Variants in MAML1 observed in about 807,000 individuals in gnomAD.
MAML1 encodes mastermind like transcriptional coactivator 1.
A neutral mutation model predicts 77.1 loss-of-function variants in MAML1; 14 were observed. That is an observed-to-expected ratio of 0.18 (90% confidence interval 0.12 to 0.28). MAML1 has a LOEUF of 0.28. Among genes scored for constraint, MAML1 ranks in the 10% least tolerant of loss-of-function variants. The probability of loss-of-function intolerance (pLI) is 1.00; values close to 1 mark genes in which losing one functional copy is unlikely to be tolerated. For synonymous variants in MAML1, 516 were observed against 551.9 expected (o/e 0.93, Z 0.91); for missense variants, 1,217 against 1,327.8 (o/e 0.92, Z 1.30).
At chr5:179,767,631 C>T (rs1049963923) in intron 2 of MAML1, among the ~76,000 whole-genome samples, 2 of 152,216 alleles carry the variant, frequency 1.3e-5, no homozygotes, top group Non-Finnish European at 2.9e-5. Context: ...GCTGATAATT[C>T]CACTTACTTC....
intron 1 of MAML1, among the ~76,000 whole-genome samples, chr5:179,737,780 T>TCCAAGGAA (rs1779195904): frequency 6.6e-6 from 1 of 152,230 alleles, no homozygotes; most frequent in Non-Finnish European, 1.5e-5. Flanking sequence ...TATTCTAATT[T>TCCAAGGAA]TCAAGGAATG....
At position 179,747,211 on chromosome 5, in the gene MAML1, T is replaced by TAAGAGC. The variant is rs926532528; in HGVS notation, c.315+13789_315+13794dup. Among the ~76,000 whole-genome samples the TAAGAGC allele has an allele frequency of 2.2e-4, 34 of 152,196 alleles. 1 individual carries two copies. Among genetic ancestry groups the TAAGAGC allele is most frequent in the Admixed American group, 8.5e-4 (13 of 15,276 alleles). On this transcript the variant is annotated intron_variant, in intron 1 of 4. Transcript: ENST00000292599. ...GTTCTGTATTAGACTATGAGCAACTTAAGAGCAAGACCAAGAGTCTGGCAT... is the reference window on the plus strand; with the variant it reads ...GTTCTGTATTAGACTATGAGCAACTTAAGAGCAAGAGCAAGACCAAGAGTCTGGCAT...
Position 179,766,782 on chromosome 5 carries a change from A to G in MAML1, c.1731+41A>G, listed in dbSNP as rs1474819140. ...TGCTTTCTGTTCCTCTGCTGCAGAC[A>G]CTTCAGTGAGGTTACTCACTACTTT... On this transcript the variant is annotated intron_variant, in intron 2 of 4. Transcript: ENST00000292599. This position sits in a 1 kb window ranked among gnomAD's most constrained non-coding sequence, Gnocchi z 4.0. 2 of 1,464,694 alleles carry G rather than the reference A, an allele frequency of 1.4e-6. No individual in the cohort carries two copies. Among genetic ancestry groups the G allele is most frequent in the Non-Finnish European group, 1.8e-6 (2 of 1,094,022 alleles). 90.7% of individuals were successfully genotyped at this position (1,464,694 alleles called of 1,614,324 possible).
rs141541345 is a variant in MAML1 at position 179,768,921 on chromosome 5, C to G, written c.1803C>G (p.Ser601=). Residue 601 remains serine, a synonymous_variant, in exon 3 of 5, where the codon TCC becomes TCG. Transcript: ENST00000292599. The stretch of plus-strand genomic sequence containing the variant: ...TTGGGACCCAGCCGCCTGCCGTGTC[C>G]GTGGCCAGCTCCCACAACAGCTCCC... ...TSVGTQPPAV[S]VASSHNSSPY... 3 of 1,614,024 alleles carry G rather than the reference C, an allele frequency of 1.9e-6. No individual in the cohort carries two copies. The highest frequency in any genetic ancestry group is 1.3e-5 in the African/African-American group (1 of 74,896).
rs557113822 is a variant in MAML1 at position 179,773,163 on chromosome 5, G to A, written c.2069-732G>A. Among the ~76,000 whole-genome samples, 7 of 152,290 alleles carry A rather than the reference G, an allele frequency of 4.6e-5. No individual in the cohort carries two copies. In the South Asian group the frequency reaches 1.0e-3, roughly 23 times the overall value. On this transcript the variant is annotated intron_variant, in intron 4 of 4. Coordinates refer to ENST00000292599, the MANE Select transcript of MAML1 (RefSeq NM_014757.5). ...CTCCCAAAGTGCTGGGATTACAGGC[G>A]TGAACCACCGCGCCCGGCCACAACC...
Position 179,775,972 on chromosome 5 carries a change from A to G in MAML1, c.*1095A>G, listed in dbSNP as rs576455006. The G allele has an allele frequency of 2.0e-5, 20 of 985,762 alleles. No homozygotes were observed. In the South Asian group the frequency reaches 6.1e-4, roughly 30 times the overall value. 61.1% of individuals were successfully genotyped at this position (985,762 alleles called of 1,614,324 possible). A position where few individuals can be genotyped will look rare whatever the true frequency, so the allele number is the denominator to read the frequency against. Reference sequence around the variant, plus strand: ...GGAAGCAATTCCACTTGGTTTGACAACTTCTGCCACTCCCATGTCAGATGA... The same window carrying G: ...GGAAGCAATTCCACTTGGTTTGACAGCTTCTGCCACTCCCATGTCAGATGA... On this transcript the variant is annotated 3_prime_UTR_variant, in exon 5 of 5. Transcript: ENST00000292599.
In MAML1 at chr5:179,776,375, T is replaced by G; in HGVS notation, c.*1498T>G. On this transcript the variant is annotated 3_prime_UTR_variant, in exon 5 of 5. Coordinates refer to ENST00000292599, the MANE Select transcript of MAML1 (RefSeq NM_014757.5). ...TGAGTCGCGGTGAGGGGACGAGAGG[T>G]TGTACACACATTGGTAGTTATTTTG... is the stretch of plus-strand genomic sequence containing the variant. 1.0e-6 allele frequency: 1 copy of G among 985,602 alleles called. No homozygotes were observed. Among genetic ancestry groups the G allele is most frequent in the Non-Finnish European group, 1.2e-6 (1 of 829,882 alleles). The allele number at this position is 985,602 out of a possible 1,614,324, so 61.1% of individuals were successfully genotyped here. A position where few individuals can be genotyped will look rare whatever the true frequency, so the allele number is the denominator to read the frequency against.
chr5:179,752,800 G>T (rs1352755740), intron 1 of MAML1, among the ~76,000 whole-genome samples: 7 of 151,026 alleles, frequency 4.6e-5, no homozygotes, highest in Non-Finnish European at 1.0e-4. Flanking sequence ...TTGAGAAGGA[G>T]TCTCACTCAG....
rs922431911 is a variant in MAML1 at position 179,769,639 on chromosome 5, A to G, written c.1971+550A>G. Among the ~76,000 whole-genome samples, 2 of 151,714 alleles carry G rather than the reference A, an allele frequency of 1.3e-5. No homozygotes were observed. The highest frequency in any genetic ancestry group is 4.9e-5 in the African/African-American group (2 of 41,236). ...GCGATCTTGGCTCACTGCAGCCTCC[A>G]CCTCATGGGTTCATGCAATTCTCCT... On this transcript the variant is annotated intron_variant, in intron 3 of 4. Coordinates refer to ENST00000292599, the MANE Select transcript of MAML1 (RefSeq NM_014757.5). This position sits in a 1 kb window ranked among gnomAD's most constrained non-coding sequence, Gnocchi z 4.2.
At position 179,773,938 on chromosome 5, in the gene MAML1, C is replaced by T; in HGVS notation, c.2112C>T (p.Ser704=). Residue 704 remains serine, a synonymous_variant, in exon 5 of 5, where the codon TCC becomes TCT. Transcript: ENST00000292599. ...AVPGMNTLGP[S]NSSCPRVFPQ... The stretch of plus-strand genomic sequence containing the variant: ...CCGGCATGAACACCTTGGGTCCATC[C>T]AACTCCAGCTGTCCTCGAGTGTTCC... 1 of 1,614,224 alleles carries T rather than the reference C, an allele frequency of 6.2e-7. No individual in the cohort carries two copies. Among genetic ancestry groups the T allele is most frequent in the Non-Finnish European group, 8.5e-7 (1 of 1,180,044 alleles).
intron 1 of MAML1, among the ~76,000 whole-genome samples, chr5:179,749,161 C>G (rs1779439954): frequency 6.6e-6 from 1 of 151,976 alleles, no homozygotes; most frequent in South Asian, 2.1e-4. Context: ...GAGTTTTGCT[C>G]TTGTTGCCCA....
At chr5:179,734,146 G>A (rs1413147413) in intron 1 of MAML1, among the ~76,000 whole-genome samples, 1 of 152,136 alleles carries the variant, frequency 6.6e-6, no homozygotes, top group African/African-American at 2.4e-5. Context: ...TTGTTGGTTA[G>A]AGGTTTTTCT....
intron 1 of MAML1, among the ~76,000 whole-genome samples, chr5:179,755,590 T>A (rs547252014): frequency 5.3e-5 from 8 of 151,800 alleles, no homozygotes; most frequent in African/African-American, 1.7e-4. Flanking sequence ...CACTGCAGAG[T>A]TGATGTTTGA....
intron 1 of MAML1, among the ~76,000 whole-genome samples, chr5:179,762,621 AT>A (rs1207942582): frequency 6.6e-6 from 1 of 152,224 alleles, no homozygotes; most frequent in African/African-American, 2.4e-5. Context: ...AGGCTCCTGT[AT>A]TTATACGTGG....
rs139314513 is a variant in MAML1, at chr5:179,765,435, G to A, written c.425G>A (p.Arg142Gln). 61 of 1,614,150 alleles carry A rather than the reference G, an allele frequency of 3.8e-5. No homozygotes were observed. In the African/African-American group the frequency reaches 5.5e-4, roughly 14 times the overall value. Reference sequence around the variant, plus strand: ...TTTCCTGGGCATAAGAAGACTCGCCGGGAGGCCCCTCTGGGAGTTGCCATC... The same window carrying A: ...TTTCCTGGGCATAAGAAGACTCGCCAGGAGGCCCCTCTGGGAGTTGCCATC... ...DLFPGHKKTR[R>Q]EAPLGVAISS... Residue 142 changes from arginine (R) to glutamine (Q), a missense_variant, in exon 2 of 5, where the codon CGG becomes CAG. Physicochemically the swap from Arg to Gln is conservative, Grantham distance 43. Transcript: ENST00000292599.
At chr5:179,738,496 T>C (rs1779217566) in intron 1 of MAML1, among the ~76,000 whole-genome samples, 1 of 152,208 alleles carries the variant, frequency 6.6e-6, no homozygotes, top group African/African-American at 2.4e-5. Context: ...CTGTAATGCC[T>C]GAGACCTTGT....
In MAML1 at chr5:179,766,724, C is replaced by T. The variant is rs1306199525; in HGVS notation, c.1714C>T (p.Leu572=). 1 of 1,551,526 alleles carries T rather than the reference C, an allele frequency of 6.4e-7. No homozygotes were observed. The highest frequency in any genetic ancestry group is 8.7e-7 in the Non-Finnish European group (1 of 1,146,250). Residue 572 remains leucine, a synonymous_variant, in exon 2 of 5, where the codon CTG becomes TTG. Coordinates refer to ENST00000292599, the MANE Select transcript of MAML1 (RefSeq NM_014757.5). The surrounding 1 kb of genome is among the most constrained non-coding windows in gnomAD (Gnocchi z 4.0). Reference sequence around the variant, plus strand: ...GCCAGGAAATATGCCTTTCCGATCACTGGTTCCACCTGGCCAGGTAAGTAT... The same window carrying T: ...GCCAGGAAATATGCCTTTCCGATCATTGGTTCCACCTGGCCAGGTAAGTAT... ...PKPGNMPFRS[L]VPPGQEQNPS...
chr5:179,765,090 C>T (rs1212876118), intron 1 of MAML1, among the ~76,000 whole-genome samples: 1 of 151,872 alleles, frequency 6.6e-6, no homozygotes, highest in Non-Finnish European at 1.5e-5. Flanking sequence ...TGGGCAGCCT[C>T]ATGCCTGTCT....
intron 1 of MAML1, among the ~76,000 whole-genome samples, chr5:179,760,882 G>A (rs1779710958): frequency 6.6e-6 from 1 of 151,554 alleles, no homozygotes; most frequent in African/African-American, 2.4e-5. Flanking sequence ...ACAAGGTCAG[G>A]AGATCGAGAC....
Sources: gnomAD v4.1 joint callset for allele counts (sites outside exome capture counted in the v4.1 genomes callset) on GRCh38, gnomAD v4.1.1 for gene constraint, Gnocchi (gnomAD v3.1) non-coding constraint, MANE v1.5 for transcripts, NCBI Gene and HGNC (gene_info 2026-07-23, HGNC 2026-07-21) for gene names.